Variants in CLSTN2 observed in about 807,000 individuals in gnomAD.
CLSTN2 encodes calsyntenin 2.
CLSTN2 carries 48 observed loss-of-function variants against 101.2 expected under a neutral mutation model. The observed-to-expected ratio is 0.47, with a 90% CI of 0.38 to 0.60. The LOEUF (loss-of-function observed/expected upper bound fraction) is 0.60. Among genes scored for constraint, CLSTN2 ranks in the 20% least tolerant of loss-of-function variants. The pLI is 0.00. For missense variants in CLSTN2, 1,160 were observed against 1,238.2 expected (o/e 0.94, Z 0.95); for synonymous variants, 481 against 463.6 (o/e 1.04, Z -0.48).
intron 1 of CLSTN2, among the ~76,000 whole-genome samples, chr3:139,972,436 G>A (rs1344265046): frequency 6.6e-6 from 1 of 152,142 alleles, no homozygotes; most frequent in Admixed American, 6.6e-5. Context: ...TCTCTCTGGG[G>A]ATGTGAATAC....
chr3:139,972,836 T>A (rs1935739290), intron 1 of CLSTN2, among the ~76,000 whole-genome samples: 1 of 152,172 alleles, frequency 6.6e-6, no homozygotes, highest in Non-Finnish European at 1.5e-5. Flanking sequence ...CACAGGTGGC[T>A]CTCAGTAGTA....
In CLSTN2 at chr3:140,421,277, G is replaced by C; in HGVS notation, c.787+3G>C. 1 of 1,614,042 alleles carries C rather than the reference G, an allele frequency of 6.2e-7. No individual in the cohort carries two copies. Among genetic ancestry groups the C allele is most frequent in the Non-Finnish European group, 8.5e-7 (1 of 1,179,980 alleles). On this transcript the variant is annotated splice_donor_region_variant and intron_variant, in intron 5 of 16. Coordinates refer to ENST00000458420, the MANE Select transcript of CLSTN2 (RefSeq NM_022131.3). ...AGTTTGCAAGCCTGGCTGGCAAGGT[G>C]GGCCTGTTTTATCAGTCTTGTGTGA... is the stretch of plus-strand genomic sequence containing the variant.
At chr3:140,361,095 A>C (rs1208622509) in intron 2 of CLSTN2, among the ~76,000 whole-genome samples, 1 of 152,210 alleles carries the variant, frequency 6.6e-6, no homozygotes, top group Non-Finnish European at 1.5e-5. Context: ...CATGAATTCA[A>C]ATTTTCTCAG....
In CLSTN2 at chr3:140,459,718, C is replaced by T; in HGVS notation, c.1171C>T (p.Pro391Ser). 3 of 1,614,124 alleles carry T rather than the reference C, an allele frequency of 1.9e-6. No homozygotes were observed. The highest frequency in any genetic ancestry group is 2.5e-6 in the Non-Finnish European group (3 of 1,180,006). Residue 391 changes from proline to serine, a missense_variant, in exon 7 of 17, where the codon CCT becomes TCT. Pro to Ser is a moderately conservative substitution (Grantham distance 74). Coordinates refer to ENST00000458420, the MANE Select transcript of CLSTN2 (RefSeq NM_022131.3). ...ITMWMKHGPS[P>S]GVRAEKETIL... Reference sequence around the variant, plus strand: ...CATGTGGATGAAACACGGCCCCAGCCCTGGTGTGAGAGCCGAGAAGGAAAC... The same window carrying T: ...CATGTGGATGAAACACGGCCCCAGCTCTGGTGTGAGAGCCGAGAAGGAAAC...
intron 1 of CLSTN2, among the ~76,000 whole-genome samples, chr3:140,042,641 T>C (rs1016324750): frequency 6.6e-6 from 1 of 152,160 alleles, no homozygotes; most frequent in African/African-American, 2.4e-5. Context: ...ATCATTTACA[T>C]TAGGTATATC....
At chr3:140,258,660 T>C (rs2086623512) in intron 2 of CLSTN2, among the ~76,000 whole-genome samples, 1 of 152,224 alleles carries the variant, frequency 6.6e-6, no homozygotes, top group Non-Finnish European at 1.5e-5. Context: ...TATTAATCTT[T>C]TCCCCCCTCT....
intron 8 of CLSTN2, among the ~76,000 whole-genome samples, chr3:140,490,974 G>A (rs922937983): frequency 6.6e-6 from 1 of 152,190 alleles, no homozygotes; most frequent in Non-Finnish European, 1.5e-5. Flanking sequence ...GACAGAGAGA[G>A]GCAGAACATT....
intron 2 of CLSTN2, among the ~76,000 whole-genome samples, chr3:140,227,555 C>T (rs148248969): frequency 2.8e-3 from 428 of 152,246 alleles, no homozygotes; most frequent in African/African-American, 9.5e-3. Context: ...GGATAGTGGC[C>T]GTCTTCTCAC....
In CLSTN2 at chr3:140,111,206, C is replaced by T. The variant is rs375587669; in HGVS notation, c.110-64745C>T. 2.2e-4 allele frequency among the ~76,000 whole-genome samples: 33 copies of T among 152,194 alleles called. No individual in the cohort carries two copies. In the South Asian group the frequency reaches 6.4e-3, roughly 30 times the overall value. On this transcript the variant is annotated intron_variant, in intron 1 of 16. Coordinates refer to ENST00000458420, the MANE Select transcript of CLSTN2 (RefSeq NM_022131.3). ...ATCTCTATTTTATGCTTTGTATTTGCCCCTTTCCCCTACAGACACAACTCC... is the reference window on the plus strand; with the variant it reads ...ATCTCTATTTTATGCTTTGTATTTGTCCCTTTCCCCTACAGACACAACTCC...
intron 2 of CLSTN2, among the ~76,000 whole-genome samples, chr3:140,253,670 C>T (rs1447254308): frequency 1.3e-5 from 2 of 152,090 alleles, no homozygotes; most frequent in African/African-American, 2.4e-5. Flanking sequence ...GGCCTGGCTC[C>T]CTTCTCTGGG....
chr3:140,515,969 A>G (rs1934909306), intron 8 of CLSTN2, among the ~76,000 whole-genome samples: 1 of 146,968 alleles, frequency 6.8e-6, no homozygotes, highest in Admixed American at 6.9e-5. Context: ...ATTGCTGTCT[A>G]TCTCATTTCT....
chr3:140,059,792 A>G (rs2008166167), intron 1 of CLSTN2, among the ~76,000 whole-genome samples: 1 of 152,174 alleles, frequency 6.6e-6, no homozygotes, highest in Non-Finnish European at 1.5e-5. Flanking sequence ...CCAAAATTGC[A>G]ATGGGAGGTA....
chr3:140,470,265 A>G (rs1933808411), intron 8 of CLSTN2, among the ~76,000 whole-genome samples: 1 of 152,266 alleles, frequency 6.6e-6, no homozygotes, highest in Non-Finnish European at 1.5e-5. Flanking sequence ...AGAAGTTTCC[A>G]TGATAATGGG....
At chr3:140,331,604 G>A (rs891519306) in intron 2 of CLSTN2, among the ~76,000 whole-genome samples, 12 of 152,160 alleles carry the variant, frequency 7.9e-5, no homozygotes, top group Non-Finnish European at 1.5e-4. Flanking sequence ...AGGATATCTG[G>A]ACATCTTTTT....
intron 2 of CLSTN2, among the ~76,000 whole-genome samples, chr3:140,197,594 G>T (rs537823907): frequency 6.6e-6 from 1 of 152,238 alleles, no homozygotes; most frequent in African/African-American, 2.4e-5. Context: ...TCAACTGAGG[G>T]TGATCTTACC....
chr3:140,426,785 GA>G (rs2088568638), intron 5 of CLSTN2, among the ~76,000 whole-genome samples: 1 of 152,150 alleles, frequency 6.6e-6, no homozygotes, highest in African/African-American at 2.4e-5. Flanking sequence ...TAGACTGTTT[GA>G]GTTCTAAGAG....
Position 140,207,168 on chromosome 3 carries a change from T to C in CLSTN2, c.232+31095T>C, listed in dbSNP as rs2010794494. Among the ~76,000 whole-genome samples, 4 of 152,156 alleles carry C rather than the reference T, an allele frequency of 2.6e-5. No homozygotes were observed. The South Asian group carries it at 6.2e-4, about 24-fold the overall frequency. Reference sequence around the variant, plus strand: ...TTTCCAGCTTCTGGGGTGTTTGCATTTTACCTAATAAGCTAACAACAAAGA... The same window carrying C: ...TTTCCAGCTTCTGGGGTGTTTGCATCTTACCTAATAAGCTAACAACAAAGA... On this transcript the variant is annotated intron_variant, in intron 2 of 16. Transcript: ENST00000458420.
chr3:140,435,317 TG>T lies in CLSTN2; in HGVS notation c.788-13201del, dbSNP rs1355645565. On this transcript the variant is annotated intron_variant, in intron 5 of 16. Transcript: ENST00000458420. ...CCCACAAATAAGTGAGAATATGCAA[TG>T]TTTGTCTTTCTGTGCTTGACTTATT... is the stretch of plus-strand genomic sequence containing the variant. Among the ~76,000 whole-genome samples, 4 of 152,280 alleles carry T rather than the reference TG, an allele frequency of 2.6e-5. No homozygotes were observed. In the East Asian group the frequency reaches 7.7e-4, roughly 29 times the overall value.
chr3:140,012,896 T>TG (rs1310861151), intron 1 of CLSTN2, among the ~76,000 whole-genome samples: 1 of 151,808 alleles, frequency 6.6e-6, no homozygotes, highest in Non-Finnish European at 1.5e-5. Context: ...GAAACAGCAG[T>TG]GGTGCTGGAA....
Sources: gnomAD v4.1 joint callset for allele counts (sites outside exome capture counted in the v4.1 genomes callset) on GRCh38, gnomAD v4.1.1 for gene constraint, MANE v1.5 for transcripts, NCBI Gene and HGNC (gene_info 2026-07-23, HGNC 2026-07-21) for gene names.